The following ZBTB37 variants were observed in gnomAD, a reference collection of about 807,000 sequenced individuals.
ZBTB37 encodes zinc finger and BTB domain containing 37.
Under a neutral mutation model 37.7 loss-of-function variants are expected in ZBTB37, and 15 were observed. That is an observed-to-expected ratio of 0.40 (90% confidence interval 0.27 to 0.61). ZBTB37 has a LOEUF of 0.61. ZBTB37 is among the 20% of genes least tolerant of loss of function. The pLI, the probability that ZBTB37 is intolerant of heterozygous loss-of-function variation, is 0.44. For missense variants in ZBTB37, 514 were observed against 641.9 expected, an observed-to-expected ratio of 0.80 and a Z score of 2.15; for synonymous variants, 231 against 220.6, an observed-to-expected ratio of 1.05 and a Z score of -0.42.
At chr1:173,886,987 G>C (rs1038505477), downstream of ZBTB37, 4 of 152,184 alleles carry the variant, frequency 2.6e-5, no homozygotes, top group Admixed American at 2.0e-4. Context: ...AATGGCTCTA[G>C]TTCAGGTGAA....
At chr1:173,880,351 T>G (rs1329391004) in intron 4 of ZBTB37, among the ~76,000 whole-genome samples, 1 of 152,218 alleles carries the variant, frequency 6.6e-6, no homozygotes, top group Non-Finnish European at 1.5e-5. Context: ...CCAAACCAGA[T>G]GACTTTTTAA....
exon 4 of ZBTB37, chr1:173,903,096 G>A (rs1354196044): frequency 1.3e-5 from 2 of 152,106 alleles, no homozygotes; most frequent in African/African-American, 4.8e-5. Flanking sequence ...CCTGATTTGT[G>A]TCATTTCTAA....
downstream of ZBTB37, chr1:173,890,419 G>A (rs1656797542): frequency 6.6e-6 from 1 of 152,022 alleles, no homozygotes; most frequent in African/African-American, 2.4e-5. Flanking sequence ...TTTTTTTCAG[G>A]TACAAGAGGC....
exon 4 of ZBTB37, chr1:173,891,643 G>T (rs1656844338): frequency 6.6e-6 from 1 of 152,138 alleles, no homozygotes; most frequent in African/African-American, 2.4e-5. Context: ...AATCCTTGCA[G>T]GAAGCCGGGT....
chr1:173,876,516 C>T (rs1655977861), intron 4 of ZBTB37, among the ~76,000 whole-genome samples: 1 of 152,058 alleles, frequency 6.6e-6, no homozygotes, highest in African/African-American at 2.4e-5. Context: ...CAGGGTTTCA[C>T]CATATTGGTC....
At chr1:173,896,236 T>C (rs1657041783) in exon 4 of ZBTB37, 1 of 152,252 alleles carries the variant, frequency 6.6e-6, no homozygotes, top group Non-Finnish European at 1.5e-5. Context: ...ATTATTTTTT[T>C]TTCCAGTTCA....
At chr1:173,884,903 G>A (rs982083095) in intron 4 of ZBTB37, among the ~76,000 whole-genome samples, 3 of 152,154 alleles carry the variant, frequency 2.0e-5, no homozygotes, top group Non-Finnish European at 4.4e-5. Flanking sequence ...GTGGCTAGTG[G>A]CTACTGTAAT....
At chr1:173,890,064 A>T (rs1049124711), downstream of ZBTB37, 1 of 152,094 alleles carries the variant, frequency 6.6e-6, no homozygotes, top group African/African-American at 2.4e-5. Context: ...GGGTCTCACT[A>T]TGTTGCCCAG....
At chr1:173,881,421 G>A (rs1179723404) in intron 4 of ZBTB37, among the ~76,000 whole-genome samples, 2 of 152,184 alleles carry the variant, frequency 1.3e-5, no homozygotes, top group Non-Finnish European at 2.9e-5. Context: ...CATAACGTGT[G>A]CATGTGTCTT....
At chr1:173,894,429 G>A (rs78681581) in exon 4 of ZBTB37, 1 of 48,168 alleles carries the variant, frequency 2.1e-5, no homozygotes, top group Non-Finnish European at 3.4e-5. Flanking sequence ...CAAGATGATC[G>A]ATCTTACATA....
intron 4 of ZBTB37, among the ~76,000 whole-genome samples, chr1:173,882,001 C>G (rs1187387408): frequency 1.3e-5 from 2 of 151,358 alleles, no homozygotes; most frequent in Non-Finnish European, 2.9e-5. Context: ...TTGCAGTGAG[C>G]TGACATCACA....
intron 4 of ZBTB37, among the ~76,000 whole-genome samples, chr1:173,881,885 T>A (rs1656331325): frequency 6.6e-6 from 1 of 151,994 alleles, no homozygotes; most frequent in African/African-American, 2.4e-5. Context: ...AAACCCTGTC[T>A]CTACTAAAAA....
chr1:173,894,217 T>C (rs1367532194), exon 4 of ZBTB37: 2 of 152,062 alleles, frequency 1.3e-5, no homozygotes, highest in African/African-American at 4.8e-5. Context: ...ATTGAAAGAG[T>C]TCCAGTTACC....
chr1:173,870,913 G>T (rs768450282), exon 3 of ZBTB37: 3 of 1,614,234 alleles, frequency 1.9e-6, no homozygotes, highest in Non-Finnish European at 2.5e-6. Context: ...GGCGGACCGT[G>T]GGGGTCGGAG....
At chr1:173,883,235 T>C (rs750201692) in intron 4 of ZBTB37, among the ~76,000 whole-genome samples, 1 of 152,162 alleles carries the variant, frequency 6.6e-6, no homozygotes, top group African/African-American at 2.4e-5. Context: ...TCCCAGCACT[T>C]TGGGAGGCCA....
At position 173,869,093 on chromosome 1, in the gene ZBTB37, AAAAC is replaced by A. The variant is rs1438486742; in HGVS notation, c.-50_-47del. 6.5e-6 allele frequency: 1 copy of A among 152,672 alleles called. No homozygotes were observed. The highest frequency in any genetic ancestry group is 1.5e-5 in the Non-Finnish European group (1 of 68,042). The allele number at this position is 152,672 out of a possible 1,614,324, so 9.5% of individuals were successfully genotyped here. On this transcript the variant is annotated 5_prime_UTR_variant, in exon 2 of 5. It introduces an in-frame stop codon into an upstream open reading frame of the 5' UTR. Coordinates refer to ENST00000427304, the Ensembl canonical transcript of ZBTB37. Reference sequence around the variant, plus strand: ...AGGCTCTTATTGGATTAAAAGTTTCAAAACAAACAATAACGCTTTGGAAAAAGGT... The same window carrying A: ...AGGCTCTTATTGGATTAAAAGTTTCAAAACAATAACGCTTTGGAAAAAGGT...
exon 4 of ZBTB37, chr1:173,897,534 A>ATAGG (rs1482965377): frequency 1.3e-5 from 2 of 152,174 alleles, no homozygotes; most frequent in African/African-American, 4.8e-5. Flanking sequence ...GGCTGTTGGG[A>ATAGG]TAGGTATACT....
chr1:173,869,774 C>G (rs1655400873), intron 2 of ZBTB37, among the ~76,000 whole-genome samples: 1 of 147,750 alleles, frequency 6.8e-6, no homozygotes, highest in Non-Finnish European at 1.5e-5. Context: ...AGAGGGATAT[C>G]AAGCTATGTA....
intron 4 of ZBTB37, among the ~76,000 whole-genome samples, chr1:173,880,414 A>T (rs543881053): frequency 3.3e-5 from 5 of 152,346 alleles, no homozygotes; most frequent in African/African-American, 9.6e-5. Flanking sequence ...TTAGAATGGT[A>T]GAAGGCTTTG....
Sources: gnomAD v4.1 joint callset for allele counts (sites outside exome capture counted in the v4.1 genomes callset) on GRCh38, gnomAD v4.1.1 for gene constraint, MANE v1.5 for transcripts, NCBI Gene and HGNC (gene_info 2026-07-23, HGNC 2026-07-21) for gene names.